The following NPFFR2 variants were observed in gnomAD, a reference collection of about 807,000 sequenced individuals.
NPFFR2 encodes neuropeptide FF receptor 2.
Under a neutral mutation model 13.1 loss-of-function variants are expected in NPFFR2, and 15 were observed. The ratio of observed to expected loss-of-function variants is 1.15; its 90% confidence interval spans 0.77 to 1.76. The LOEUF (loss-of-function observed/expected upper bound fraction) is 1.76. Among genes scored for constraint, NPFFR2 ranks in the 40% most tolerant of loss-of-function variants. The pLI, the probability that NPFFR2 is intolerant of heterozygous loss-of-function variation, is 0.00. For missense variants in NPFFR2, 572 were observed against 503.5 expected, an observed-to-expected ratio of 1.14 and a Z score of -1.30; for synonymous variants, 190 against 175.7, an observed-to-expected ratio of 1.08 and a Z score of -0.65.
chr4:72,078,311 G>C (rs1720503969), intron 1 of NPFFR2, among the ~76,000 whole-genome samples: 1 of 152,084 alleles, frequency 6.6e-6, no homozygotes, highest in Non-Finnish European at 1.5e-5. Flanking sequence ...TTCAAAGATG[G>C]TGTCTTTGAA....
intron 1 of NPFFR2, among the ~76,000 whole-genome samples, chr4:72,038,482 A>T (rs1237547958): frequency 6.6e-6 from 1 of 151,954 alleles, no homozygotes; most frequent in African/African-American, 2.4e-5. Flanking sequence ...ATCTTTTTAC[A>T]GGTCCAGACA....
intron 1 of NPFFR2, among the ~76,000 whole-genome samples, chr4:72,048,135 C>T (rs965750158): frequency 4.6e-5 from 7 of 152,148 alleles, no homozygotes; most frequent in Admixed American, 3.3e-4. Flanking sequence ...TATATACACA[C>T]GTACGTAAAT....
chr4:72,079,883 G>A (rs1262294557), intron 1 of NPFFR2, among the ~76,000 whole-genome samples: 1 of 152,160 alleles, frequency 6.6e-6, no homozygotes, highest in Non-Finnish European at 1.5e-5. Flanking sequence ...ATGATTGTCA[G>A]ATTTTACTTG....
intron 1 of NPFFR2, among the ~76,000 whole-genome samples, chr4:72,060,989 C>T (rs570619182): frequency 5.9e-4 from 90 of 152,216 alleles, no homozygotes; most frequent in African/African-American, 1.6e-3. Flanking sequence ...AGGAGAGTTT[C>T]GACAGCAGAA....
chr4:72,112,852 G>C (rs1334027173), intron 1 of NPFFR2, among the ~76,000 whole-genome samples: 2 of 151,908 alleles, frequency 1.3e-5, no homozygotes, highest in South Asian at 4.1e-4. Context: ...GGAGAGGGTT[G>C]CTATGCTTCT....
intron 1 of NPFFR2, among the ~76,000 whole-genome samples, chr4:72,105,181 T>C (rs931478303): frequency 1.3e-5 from 2 of 151,796 alleles, no homozygotes; most frequent in Admixed American, 6.6e-5. Flanking sequence ...GTCAGTTTCA[T>C]TTGAATAGGG....
chr4:72,034,497 T>C (rs944013256), intron 1 of NPFFR2, among the ~76,000 whole-genome samples: 2 of 152,154 alleles, frequency 1.3e-5, no homozygotes, highest in African/African-American at 4.8e-5. Context: ...ATGATTCAAT[T>C]ACCTCCCACC....
intron 3 of NPFFR2, among the ~76,000 whole-genome samples, chr4:72,138,893 TCCAATTTCTGC>T (rs761796510): frequency 2.0e-5 from 3 of 152,174 alleles, no homozygotes; most frequent in Non-Finnish European, 2.9e-5. Context: ...GTAAAAGTGT[TCCAATTTCTGC>T]ACACCCTCTC....
chr4:72,120,817 T>TTCCAAAAAC (rs1721849384), intron 1 of NPFFR2, among the ~76,000 whole-genome samples: 1 of 151,796 alleles, frequency 6.6e-6, no homozygotes, highest in Non-Finnish European at 1.5e-5. Context: ...AGCACAAAAA[T>TTCCAAAAAC]TCCAAAAACC....
At chr4:72,090,008 G>C (rs1720873169) in intron 1 of NPFFR2, among the ~76,000 whole-genome samples, 1 of 152,000 alleles carries the variant, frequency 6.6e-6, no homozygotes, top group Non-Finnish European at 1.5e-5. Context: ...TATAAGGTGA[G>C]AGATGAGGAT....
Position 72,138,063 on chromosome 4 carries a change from T to C in NPFFR2, c.352T>C (p.Cys118Arg), listed in dbSNP as rs765897220. Residue 118 changes from cysteine to arginine, a missense_variant, in exon 3 of 4, where the codon TGC becomes CGC. Coordinates refer to ENST00000308744, the MANE Select transcript of NPFFR2 (RefSeq NM_004885.3). ...AGGATGGCCATTTGGAAACACGATG[T>C]GCAAGATCAGTGGATTGGTCCAGGG... ...IAGWPFGNTM[C>R]KISGLVQGIS... 22 of 1,613,532 alleles carry C rather than the reference T, an allele frequency of 1.4e-5. No homozygotes were observed. The highest frequency in any genetic ancestry group is 2.7e-5 in the African/African-American group (2 of 74,908).
intron 1 of NPFFR2, among the ~76,000 whole-genome samples, chr4:72,112,521 CATTACA>C (rs1721592215): frequency 6.6e-6 from 1 of 151,942 alleles, no homozygotes; most frequent in African/African-American, 2.4e-5. Flanking sequence ...CTTGGTTTCC[CATTACA>C]TAAGGAGAAC....
At chr4:72,097,395 T>C (rs1721103403) in intron 1 of NPFFR2, among the ~76,000 whole-genome samples, 1 of 152,082 alleles carries the variant, frequency 6.6e-6, no homozygotes, top group African/African-American at 2.4e-5. Context: ...CCTTTTCTAG[T>C]TCTGTAGTGA....
chr4:72,067,367 T>G (rs13116078), intron 1 of NPFFR2, among the ~76,000 whole-genome samples: 136,829 of 152,072 alleles, frequency 0.9, 62,515 homozygotes, highest in Non-Finnish European at 0.98. Flanking sequence ...TCTTCCAGCT[T>G]TTCTGTTCTC....
At chr4:72,039,528 C>G in intron 1 of NPFFR2, 1 of 342,030 alleles carries the variant, frequency 2.9e-6, no homozygotes, top group Non-Finnish European at 4.1e-6. Context: ...ATATATGCAT[C>G]TTGTTTTCTA....
chr4:72,123,112 A>G (rs1035425285), intron 1 of NPFFR2, among the ~76,000 whole-genome samples: 1 of 152,230 alleles, frequency 6.6e-6, no homozygotes, highest in Non-Finnish European at 1.5e-5. Flanking sequence ...AGAAATATAA[A>G]CTACCATCAG....
chr4:72,053,111 G>A (rs778508803), intron 1 of NPFFR2, among the ~76,000 whole-genome samples: 3 of 151,828 alleles, frequency 2.0e-5, no homozygotes, highest in Admixed American at 6.6e-5. Context: ...TCCTGGGGCT[G>A]TGTCGTTGGC....
intron 1 of NPFFR2, among the ~76,000 whole-genome samples, chr4:72,095,474 A>G (rs1049480137): frequency 5.3e-5 from 8 of 152,212 alleles, no homozygotes; most frequent in Non-Finnish European, 1.2e-4. Context: ...ATATATCACT[A>G]TGAACAGATA....
intron 3 of NPFFR2, among the ~76,000 whole-genome samples, chr4:72,142,096 G>C (rs928896648): frequency 6.6e-6 from 1 of 151,512 alleles, no homozygotes; most frequent in Non-Finnish European, 1.5e-5. Context: ...GCCTTTTTTT[G>C]CTTTCCATTT....
Sources: gnomAD v4.1 joint callset for allele counts (sites outside exome capture counted in the v4.1 genomes callset) on GRCh38, gnomAD v4.1.1 for gene constraint, MANE v1.5 for transcripts, NCBI Gene and HGNC (gene_info 2026-07-23, HGNC 2026-07-21) for gene names.